FNTB: variants seen among roughly 807,000 people sequenced by gnomAD.
The protein encoded by FNTB is protein farnesyltransferase subunit beta.
Under a neutral mutation model 59.4 loss-of-function variants are expected in FNTB, and 27 were observed. The observed-to-expected ratio is 0.45, with a 90% confidence interval of 0.34 to 0.63. The LOEUF is 0.63. FNTB is among the 20% of genes least tolerant of loss of function. FNTB has a pLI of 0.02. For synonymous variants in FNTB, 230 were observed against 220.7 expected (o/e 1.04, Z -0.37); for missense variants, 449 against 559.6 (o/e 0.80, Z 1.99).
rs2062072534 is a variant in FNTB at position 65,031,100 on chromosome 14, G to A, written c.606-1510G>A. On this transcript the variant is annotated intron_variant, in intron 6 of 11. Transcript: ENST00000246166. The surrounding 1 kb of genome is among the most constrained non-coding windows in gnomAD (Gnocchi z 4.6). ...TGGGATTACAGGCATGAGCTACCAT[G>A]CCTGGCCAGGAGAAGGATTTTTGAG... Among the ~76,000 whole-genome samples the A allele has an allele frequency of 6.6e-6, 1 of 152,020 alleles. No individual in the cohort carries two copies. The highest frequency in any genetic ancestry group is 6.5e-5 in the Admixed American group (1 of 15,274).
At chr14:64,995,051 A>G (rs1244672910) in intron 1 of FNTB, among the ~76,000 whole-genome samples, 1 of 152,202 alleles carries the variant, frequency 6.6e-6, no homozygotes, top group Non-Finnish European at 1.5e-5. Flanking sequence ...TCTACTTTAA[A>G]TTTTTTAACT....
At chr14:65,017,530 G>A (rs553872451) in intron 4 of FNTB, among the ~76,000 whole-genome samples, 27 of 152,312 alleles carry the variant, frequency 1.8e-4, no homozygotes, top group African/African-American at 6.3e-4. Context: ...TATAGTGAAG[G>A]CTTTTCTGAG....
chr14:65,025,969 T>G (rs1198784496), intron 4 of FNTB, among the ~76,000 whole-genome samples: 4 of 152,264 alleles, frequency 2.6e-5, no homozygotes. Flanking sequence ...CAGCAGCGTT[T>G]GCTTTTGCTT....
At chr14:65,059,204 G>A (rs1036011040) in intron 11 of FNTB, among the ~76,000 whole-genome samples, 1 of 152,028 alleles carries the variant, frequency 6.6e-6, no homozygotes, top group Admixed American at 6.6e-5. Context: ...TAAATTTTTT[G>A]TAGAGACAGG....
chr14:65,037,660 C>T (rs1028142625), intron 7 of FNTB, among the ~76,000 whole-genome samples: 29 of 149,568 alleles, frequency 1.9e-4, no homozygotes, highest in South Asian at 4.2e-4. Context: ...CCTGGGCTGA[C>T]GTAATCCTCC....
intron 7 of FNTB, 56 bp from the exon 8 acceptor site, chr14:65,040,734 T>G: frequency 2.5e-6 from 4 of 1,578,786 alleles, no homozygotes; most frequent in Non-Finnish European, 3.5e-6. Context: ...ATGGTCCTGG[T>G]CTTGTGTACG....
rs775294136 is a variant in FNTB at position 65,007,322 on chromosome 14, A to G, written c.209+3009A>G. Among the ~76,000 whole-genome samples the G allele has an allele frequency of 1.3e-5, 2 of 152,340 alleles. No homozygotes were observed. The highest frequency in any genetic ancestry group is 1.9e-4 in the East Asian group (1 of 5,190). On this transcript the variant is annotated intron_variant, in intron 2 of 11. Transcript: ENST00000246166. This position sits in a 1 kb window ranked among gnomAD's most constrained non-coding sequence, Gnocchi z 4.9. ...TAACCTTCACTGTTAGCTGAAGTGC[A>G]TGGTTAGCTGTTAGCAGTAAATCTA...
chr14:64,987,188 G>T, intron 1 of FNTB, 91 bp downstream of exon 1: 1 of 1,449,814 alleles, frequency 6.9e-7, no homozygotes, highest in Non-Finnish European at 9.5e-7. Context: ...GGAACTCACC[G>T]GGGAACTACG....
Position 65,044,297 on chromosome 14 carries a change from C to T in FNTB, c.823-14C>T, listed in dbSNP as rs1034077816. ...TTTAGCCTACAACTGCCTTTCCCAT[C>T]TGTGTCTCCTCAGCAATGGGTGACA... On this transcript the variant is annotated splice_polypyrimidine_tract_variant and intron_variant, in intron 8 of 11. Transcript: ENST00000246166. This position sits in a 1 kb window ranked among gnomAD's most constrained non-coding sequence, Gnocchi z 5.5. 1 of 1,612,238 alleles carries T rather than the reference C, an allele frequency of 6.2e-7. No individual in the cohort carries two copies. The highest frequency in any genetic ancestry group is 1.3e-5 in the African/African-American group (1 of 74,874).
At chr14:65,004,500 C>T (rs1376579595) in intron 2 of FNTB, among the ~76,000 whole-genome samples, 187 bp downstream of exon 2, 2 of 152,146 alleles carry the variant, frequency 1.3e-5, no homozygotes, top group South Asian at 2.1e-4. Flanking sequence ...CTGTTTAGAG[C>T]GATTCTCCAC....
chr14:65,044,636 T>A lies in FNTB; in HGVS notation c.955+193T>A, dbSNP rs553722789. The A allele has an allele frequency of 2.4e-6, 2 of 834,054 alleles. No homozygotes were observed. Among genetic ancestry groups the A allele is most frequent in the Non-Finnish European group, 1.7e-6 (1 of 583,426 alleles). 51.7% of individuals were successfully genotyped at this position (834,054 alleles called of 1,614,324 possible). On this transcript the variant is annotated intron_variant, in intron 9 of 11. Coordinates refer to ENST00000246166, the MANE Select transcript of FNTB (RefSeq NM_002028.4). The surrounding 1 kb of genome is among the most constrained non-coding windows in gnomAD (Gnocchi z 5.5). ...AAGATTTAGTTTCATTGGTTTAGTG[T>A]CATTCTTTGCTTCTTCAAATTGGCT...
At chr14:65,033,001 G>A (rs954475271) in intron 7 of FNTB, among the ~76,000 whole-genome samples, 14 of 152,166 alleles carry the variant, frequency 9.2e-5, no homozygotes, top group South Asian at 2.1e-4. Context: ...GTGCCCTTGC[G>A]TAGGACCCAG....
Position 65,044,547 on chromosome 14 carries a change from GTCTA to G in FNTB, c.955+107_955+110del. On this transcript the variant is annotated intron_variant, in intron 9 of 11. Coordinates refer to ENST00000246166, the MANE Select transcript of FNTB (RefSeq NM_002028.4). The surrounding 1 kb of genome is among the most constrained non-coding windows in gnomAD (Gnocchi z 5.5). The stretch of plus-strand genomic sequence containing the variant: ...TTTTAGAGGGGTTGAAATGAGCTCT[GTCTA>G]TCCTGGATTTTGAGTGCCCAGTGTG... The G allele has an allele frequency of 2.0e-6, 3 of 1,490,704 alleles. No homozygotes were observed. Among genetic ancestry groups the G allele is most frequent in the Non-Finnish European group, 2.7e-6 (3 of 1,123,384 alleles). The allele number at this position is 1,490,704 out of a possible 1,614,324, so 92.3% of individuals were successfully genotyped here.
rs936282974 is a variant in FNTB, at chr14:65,030,294, G to A, written c.606-2316G>A. 5.3e-5 allele frequency among the ~76,000 whole-genome samples: 8 copies of A among 152,206 alleles called. No homozygotes were observed. Among genetic ancestry groups the A allele is most frequent in the African/African-American group, 1.7e-4 (7 of 41,458 alleles). On this transcript the variant is annotated intron_variant, in intron 6 of 11. Transcript: ENST00000246166. This position sits in a 1 kb window ranked among gnomAD's most constrained non-coding sequence, Gnocchi z 4.5. ...TGGCATTGGCACTTGTGACTCTTGT[G>A]TGCTCCCAATGCCTGCTGGTGGAAC... is the stretch of plus-strand genomic sequence containing the variant.
At chr14:65,050,118 A>C (rs1003519026) in intron 9 of FNTB, among the ~76,000 whole-genome samples, 4 of 152,356 alleles carry the variant, frequency 2.6e-5, no homozygotes, top group African/African-American at 7.2e-5. Context: ...AAGCTAGATT[A>C]ATAAAATTGG....
At chr14:65,041,006 G>T in intron 8 of FNTB, 87 bp downstream of exon 8, 2 of 1,555,206 alleles carry the variant, frequency 1.3e-6, no homozygotes, top group Non-Finnish European at 1.7e-6. Flanking sequence ...AGGAGAGTTT[G>T]GCTATGGGAA....
At chr14:65,036,564 A>G (rs1462730421) in intron 7 of FNTB, among the ~76,000 whole-genome samples, 2 of 152,196 alleles carry the variant, frequency 1.3e-5, no homozygotes, top group Admixed American at 6.5e-5. Context: ...GCAGAAATAC[A>G]GAGAAATCAA....
chr14:65,059,771 ATT>A (rs771050811), intron 11 of FNTB, among the ~76,000 whole-genome samples: 10 of 151,288 alleles, frequency 6.6e-5, no homozygotes, highest in South Asian at 2.1e-4. Context: ...TCATATTTAA[ATT>A]TTGTTTATAT....
rs1004092084 is a variant in FNTB, at chr14:65,054,457, C to T, written c.1068-118C>T. On this transcript the variant is annotated intron_variant, in intron 10 of 11. Coordinates refer to ENST00000246166, the MANE Select transcript of FNTB (RefSeq NM_002028.4). The surrounding 1 kb of genome is among the most constrained non-coding windows in gnomAD (Gnocchi z 4.4). The stretch of plus-strand genomic sequence containing the variant: ...CTGGGAAAACCATGCCTCCTCTAGC[C>T]ACATGGAGGATGGGGGGGGACGTGT... 4 of 1,033,338 alleles carry T rather than the reference C, an allele frequency of 3.9e-6. No individual in the cohort carries two copies. Among genetic ancestry groups the T allele is most frequent in the Non-Finnish European group, 5.6e-6 (4 of 707,982 alleles). The allele number at this position is 1,033,338 out of a possible 1,614,324, so 64.0% of individuals were successfully genotyped here. A position where few individuals can be genotyped will look rare whatever the true frequency, so the allele number is the denominator to read the frequency against.
Sources: allele counts gnomAD v4.1 joint callset (sites outside exome capture counted in the v4.1 genomes callset), GRCh38; gene constraint gnomAD v4.1.1; non-coding constraint Gnocchi (gnomAD v3.1); transcripts MANE v1.5; gene names NCBI Gene and HGNC (gene_info 2026-07-23, HGNC 2026-07-21).